LNX1: variants seen among roughly 807,000 people sequenced by gnomAD.
LNX1 encodes E3 ubiquitin-protein ligase LNX.
Under a neutral mutation model 68.4 loss-of-function variants are expected in LNX1, and 54 were observed. That is an observed-to-expected ratio of 0.79 (90% CI 0.63 to 0.99). The LOEUF (loss-of-function observed/expected upper bound fraction) is 0.99. Among genes scored for constraint, LNX1 ranks in the 50% least tolerant of loss-of-function variants. The pLI, the probability that LNX1 is intolerant of heterozygous loss-of-function variation, is 0.00. For synonymous variants in LNX1, 336 were observed against 350.0 expected (o/e 0.96, Z 0.45); for missense variants, 906 against 926.4 (o/e 0.98, Z 0.29).
At chr4:53,461,862 CAT>C (rs1722153786) in intron 9 of LNX1, among the ~76,000 whole-genome samples, 1 of 152,062 alleles carries the variant, frequency 6.6e-6, no homozygotes, top group Non-Finnish European at 1.5e-5. Context: ...GAATGATAAT[CAT>C]ATTTTTAACT....
At chr4:53,558,633 C>T (rs1730086704) in intron 2 of LNX1, among the ~76,000 whole-genome samples, 1 of 152,188 alleles carries the variant, frequency 6.6e-6, no homozygotes. Context: ...GAAGAATAGG[C>T]TGTGCCATTC....
At position 53,501,299 on chromosome 4, in the gene LNX1, T is replaced by TTTTGGGGG. The variant is rs56165716; in HGVS notation, c.776-2457_776-2456insCCCCCAAA. Among the ~76,000 whole-genome samples, 10 of 38,782 alleles carry TTTTGGGGG rather than the reference T, an allele frequency of 2.6e-4. 1 individual carries two copies. The highest frequency in any genetic ancestry group is 5.6e-4 in the Non-Finnish European group (8 of 14,380). 25.4% of individuals were successfully genotyped at this position (38,782 alleles called of 152,430 possible). On this transcript the variant is annotated intron_variant, in intron 4 of 10. Coordinates refer to ENST00000263925, the MANE Select transcript of LNX1 (RefSeq NM_001126328.3). ...TAATAATCTTTTTTTTTTTTTTTTT[T>TTTTGGGGG]GGGGGTGGGGGGACAGGATCTCACT... is the stretch of plus-strand genomic sequence containing the variant.
At chr4:53,523,667 G>A (rs1273506419) in intron 2 of LNX1, among the ~76,000 whole-genome samples, 1 of 152,176 alleles carries the variant, frequency 6.6e-6, no homozygotes, top group African/African-American at 2.4e-5. Context: ...TAGGAGACTA[G>A]GGATTTTTCT....
intron 2 of LNX1, among the ~76,000 whole-genome samples, chr4:53,607,324 A>G (rs1733273107): frequency 6.6e-6 from 1 of 152,210 alleles, no homozygotes; most frequent in East Asian, 1.9e-4. Context: ...AATGACATCC[A>G]AGCTGAGAGC....
At chr4:53,491,273 GA>G (rs11305648) in intron 6 of LNX1, among the ~76,000 whole-genome samples, 9,855 of 144,628 alleles carry the variant, frequency 0.068, 801 homozygotes, top group African/African-American at 0.21. Flanking sequence ...TTCAAAGTGA[GA>G]AAAAAAAAAA....
chr4:53,632,252 C>T (rs1364633793), intron 1 of LNX1, among the ~76,000 whole-genome samples: 1 of 152,156 alleles, frequency 6.6e-6, no homozygotes, highest in Non-Finnish European at 1.5e-5. Context: ...GACAGTGGTA[C>T]TTTCTCTTCT....
At chr4:53,534,929 A>C (rs1458235584) in intron 2 of LNX1, among the ~76,000 whole-genome samples, 1 of 152,232 alleles carries the variant, frequency 6.6e-6, no homozygotes, top group Admixed American at 6.5e-5. Flanking sequence ...AGGACCTGTA[A>C]AACAATTACA....
In LNX1 at chr4:53,509,468, T is replaced by C. The variant is rs187183592; in HGVS notation, c.381-1241A>G. 1.0e-3 allele frequency among the ~76,000 whole-genome samples: 154 copies of C among 152,292 alleles called. 1 individual carries two copies. The highest frequency in any genetic ancestry group is 2.5e-3 in the Admixed American group (38 of 15,298). On this transcript the variant is annotated intron_variant, in intron 2 of 10. Transcript: ENST00000263925. ...ATCATAGAAATGGCAAGATGGAAGG[T>C]CCTATTGTCTAGATCTAAATCCTTG...
chr4:53,536,233 G>A (rs144345559), intron 2 of LNX1, among the ~76,000 whole-genome samples: 1 of 152,266 alleles, frequency 6.6e-6, no homozygotes, highest in Non-Finnish European at 1.5e-5. Flanking sequence ...TCTCAGGTCA[G>A]TCTCTTAGTG....
chr4:53,610,799 A>G lies in LNX1; in HGVS notation c.-215+5718T>C, dbSNP rs536756264. 5.9e-5 allele frequency among the ~76,000 whole-genome samples: 9 copies of G among 151,864 alleles called. No individual in the cohort carries two copies. In the South Asian group the frequency reaches 1.9e-3, roughly 32 times the overall value. ...ATAAAGAGAGATAAATAAAGGCAAA[A>G]GCTTAAATTACTGAAATAGAAGGCA... On this transcript the variant is annotated intron_variant, in intron 2 of 3. Coordinates refer to the LNX1 transcript ENST00000504299.
intron 9 of LNX1, among the ~76,000 whole-genome samples, chr4:53,469,202 A>G (rs1213164722): frequency 6.6e-6 from 1 of 152,234 alleles, no homozygotes; most frequent in African/African-American, 2.4e-5. Flanking sequence ...AAAACTGCTC[A>G]ACTACATGGA....
At chr4:53,556,465 G>A (rs1401428511) in intron 2 of LNX1, among the ~76,000 whole-genome samples, 3 of 152,156 alleles carry the variant, frequency 2.0e-5, no homozygotes, top group Non-Finnish European at 2.9e-5. Flanking sequence ...ACATAGCAAC[G>A]AAGAAGGATA....
chr4:53,490,986 T>C (rs1040532564), intron 6 of LNX1, among the ~76,000 whole-genome samples: 4 of 152,226 alleles, frequency 2.6e-5, no homozygotes, highest in African/African-American at 9.6e-5. Context: ...AAGAATCTTT[T>C]AGGAAGTCCC....
intron 6 of LNX1, among the ~76,000 whole-genome samples, chr4:53,492,993 C>T (rs1227927056): frequency 6.6e-6 from 1 of 151,968 alleles, no homozygotes; most frequent in African/African-American, 2.4e-5. Flanking sequence ...TTTTTTGAGA[C>T]AGAGTCTTGC....
Position 53,649,433 on chromosome 4 carries a change from A to C in LNX1, c.-215+2735T>G, listed in dbSNP as rs1366590567. Among the ~76,000 whole-genome samples the C allele has an allele frequency of 3.3e-5, 5 of 152,198 alleles. No homozygotes were observed. The South Asian group carries it at 8.3e-4, about 25-fold the overall frequency. On this transcript the variant is annotated intron_variant, in intron 1 of 2. Transcript: ENST00000507168. ...GAAGATTCAACAGCTATAGATCAAC[A>C]AATCTTAGGTCACAGAACCAGGATT...
intron 4 of LNX1, chr4:53,501,902 T>A (rs537380059): frequency 4.6e-5 from 7 of 152,394 alleles, no homozygotes; most frequent in Admixed American, 4.6e-4. Flanking sequence ...CGCCTACTCA[T>A]TGAACATGGC....
intron 2 of LNX1, among the ~76,000 whole-genome samples, chr4:53,568,737 T>C (rs1315572629): frequency 6.6e-6 from 1 of 152,020 alleles, no homozygotes; most frequent in East Asian, 1.9e-4. Context: ...TGTTTGCAGA[T>C]GACATGATTG....
intron 2 of LNX1, among the ~76,000 whole-genome samples, chr4:53,557,171 T>C (rs1264208318): frequency 6.6e-6 from 1 of 152,188 alleles, no homozygotes; most frequent in Non-Finnish European, 1.5e-5. Flanking sequence ...AAAATGGACA[T>C]GTGTCATGTA....
chr4:53,481,194 A>G (rs955643122), intron 7 of LNX1, among the ~76,000 whole-genome samples: 3 of 152,230 alleles, frequency 2.0e-5, no homozygotes, highest in Non-Finnish European at 4.4e-5. Flanking sequence ...CTGGATTTGA[A>G]TGCCATATAA....
Sources: gnomAD v4.1 joint callset for allele counts (sites outside exome capture counted in the v4.1 genomes callset) on GRCh38, gnomAD v4.1.1 for gene constraint, MANE v1.5 for transcripts, NCBI Gene and HGNC (gene_info 2026-07-23, HGNC 2026-07-21) for gene names.